The following MATR3 variants were observed in gnomAD, a reference collection of about 807,000 sequenced individuals.
MATR3 encodes matrin 3.
Under a neutral mutation model 85.5 loss-of-function variants are expected in MATR3, and 4 were observed. The ratio of observed to expected loss-of-function variants is 0.05; its 90% CI spans 0.02 to 0.11. MATR3 has a LOEUF of 0.11. Among genes scored for constraint, MATR3 ranks in the 10% least tolerant of loss-of-function variants. The probability of loss-of-function intolerance (pLI) is 1.00; values close to 1 mark genes in which losing one functional copy is unlikely to be tolerated. For missense variants in MATR3, 685 were observed against 1,016.1 expected, an observed-to-expected ratio of 0.67 and a Z score of 4.43; for synonymous variants, 336 against 343.1, an observed-to-expected ratio of 0.98 and a Z score of 0.23.
At chr5:139,319,844 CAAAAA>C (rs1208978797) in intron 9 of MATR3, among the ~76,000 whole-genome samples, 3 of 60,472 alleles carry the variant, frequency 5.0e-5, no homozygotes, top group South Asian at 1.2e-3. Flanking sequence ...ACTCCCAACT[CAAAAA>C]AAAAAATTTG....
intron 2 of MATR3, among the ~76,000 whole-genome samples, chr5:139,277,095 A>G (rs1753305016): frequency 6.6e-6 from 1 of 151,824 alleles, no homozygotes; most frequent in Non-Finnish European, 1.5e-5. Context: ...GCTTTTTCCC[A>G]AGTAGTTGGG....
In MATR3 at chr5:139,326,346, G is replaced by GT. The variant is rs1038164183; in HGVS notation, c.2493+63dup. On this transcript the variant is annotated intron_variant, in intron 14 of 14. Coordinates refer to ENST00000394805, the MANE Select transcript of MATR3 (RefSeq NM_018834.6). ...TTAACAAGTTATGGAAATAAGTGGG[G>GT]TATATAAGTAAAATGTGTATAGTGT... 4 of 1,533,176 alleles carry GT rather than the reference G, an allele frequency of 2.6e-6. No homozygotes were observed. The African/African-American group carries it at 5.5e-5, about 21-fold the overall frequency. 95.0% of individuals were successfully genotyped at this position (1,533,176 alleles called of 1,614,324 possible).
At chr5:139,319,150 C>T (rs1161556520) in intron 8 of MATR3, 117 bp downstream of exon 8, 15 of 1,331,624 alleles carry the variant, frequency 1.1e-5, no homozygotes, top group Non-Finnish European at 1.6e-5. Flanking sequence ...GCCTGTAATC[C>T]CAGCACCTTG....
chr5:139,321,416 A>G (rs907907155), intron 9 of MATR3, among the ~76,000 whole-genome samples: 5 of 151,972 alleles, frequency 3.3e-5, no homozygotes, highest in Non-Finnish European at 7.4e-5. Flanking sequence ...GGCCTCCCAA[A>G]GTGTTGGGAT....
intron 10 of MATR3, 101 bp from the exon 11 acceptor site, chr5:139,322,362 A>T: frequency 9.1e-7 from 1 of 1,104,890 alleles, no homozygotes; most frequent in Non-Finnish European, 1.4e-6. Flanking sequence ...CGGGAATTGA[A>T]TAAGCTGAGT....
rs1165147021 is a variant in MATR3 at position 139,310,058 on chromosome 5, G to C, written c.912+1731G>C. 3 of 152,218 alleles carry C rather than the reference G, an allele frequency of 2.0e-5. No individual in the cohort carries two copies. The East Asian group carries it at 5.8e-4, about 29-fold the overall frequency. 9.4% of individuals were successfully genotyped at this position (152,218 alleles called of 1,614,324 possible). ...CATCATGAACACAATGGAACCATGA[G>C]AGGACTTCGAGAAAAGTTTCTGTTT... On this transcript the variant is annotated intron_variant, in intron 2 of 14. Transcript: ENST00000394805.
At chr5:139,298,714 A>G (rs900056587) in intron 1 of MATR3, among the ~76,000 whole-genome samples, 4 of 152,210 alleles carry the variant, frequency 2.6e-5, no homozygotes, top group African/African-American at 7.2e-5. Context: ...AAAGGCTATC[A>G]GTTTTAATGC....
intron 2 of MATR3, chr5:139,314,114 G>C (rs756923970): frequency 6.4e-6 from 1 of 155,264 alleles, no homozygotes; most frequent in African/African-American, 2.4e-5. Context: ...ATGGGGTTTC[G>C]CCATGTTGGC....
chr5:139,315,472 C>T, intron 3 of MATR3: 1 of 485,476 alleles, frequency 2.1e-6, no homozygotes, highest in Non-Finnish European at 3.7e-6. Flanking sequence ...TCAACATTAT[C>T]TGCATTTGCA....
At chr5:139,326,733 C>T (rs1190711097) in intron 14 of MATR3, among the ~76,000 whole-genome samples, 1 of 152,088 alleles carries the variant, frequency 6.6e-6, no homozygotes, top group African/African-American at 2.4e-5. Context: ...CCTTTTCTTT[C>T]TTTATTGATG....
intron 1 of MATR3, chr5:139,274,326 CCT>C (rs1360941875): frequency 2.9e-6 from 1 of 347,242 alleles, no homozygotes; most frequent in Non-Finnish European, 5.7e-6. Context: ...GGAGTCGTCC[CCT>C]GTTTTTCTAC....
At chr5:139,290,438 CTT>C (rs762364450), upstream of MATR3, among the ~76,000 whole-genome samples, 76 of 44,976 alleles carry the variant, frequency 1.7e-3, 1 homozygote, top group African/African-American at 8.3e-3. Flanking sequence ...CCTGGCCGCT[CTT>C]TTTTTTTTTT....
intron 3 of MATR3, chr5:139,279,448 G>A (rs1279198049): frequency 4.6e-6 from 1 of 217,852 alleles, no homozygotes; most frequent in Non-Finnish European, 9.4e-6. Flanking sequence ...AGGCTGGTCT[G>A]AAACTCCTGA....
intron 14 of MATR3, among the ~76,000 whole-genome samples, chr5:139,327,118 AAT>A (rs1554149769): frequency 1.3e-5 from 2 of 152,214 alleles, no homozygotes; most frequent in Non-Finnish European, 2.9e-5. Flanking sequence ...TACCTATTGA[AAT>A]AGTGACTGAA....
chr5:139,323,302 A>G lies in MATR3; in HGVS notation c.2148+335A>G, dbSNP rs145920509. 6.1e-3 allele frequency among the ~76,000 whole-genome samples: 933 copies of G among 152,268 alleles called. 9 individuals are homozygous for G. The highest frequency in any genetic ancestry group is 0.021 in the African/African-American group (891 of 41,558). ...AGTGTAGCTTTGAAAAAAAAAATAC[A>G]GGACGTGAGTTTGCAGTAAGTTAAC... On this transcript the variant is annotated intron_variant, in intron 12 of 14. Transcript: ENST00000394805.
At chr5:139,327,967 T>G (rs1333337266) in intron 14 of MATR3, among the ~76,000 whole-genome samples, 2 of 152,112 alleles carry the variant, frequency 1.3e-5, no homozygotes, top group African/African-American at 4.8e-5. Flanking sequence ...GTTCAAGCAA[T>G]TCTCCTGCCT....
chr5:139,318,790 G>T, intron 7 of MATR3, 118 bp from the exon 8 acceptor site: 1 of 942,846 alleles, frequency 1.1e-6, no homozygotes, highest in South Asian at 1.4e-5. Flanking sequence ...TCTACTTAAT[G>T]ATTAAATATA....
intron 1 of MATR3, among the ~76,000 whole-genome samples, chr5:139,302,214 C>T (rs879603579): frequency 7.2e-5 from 11 of 152,090 alleles, no homozygotes; most frequent in Admixed American, 4.6e-4. Context: ...CTGCCCGCCT[C>T]GGCCTCCCAA....
At chr5:139,313,508 A>G (rs1286634233) in intron 2 of MATR3, 1 of 152,182 alleles carries the variant, frequency 6.6e-6, no homozygotes, top group East Asian at 1.9e-4. Flanking sequence ...AGGCAGTCTA[A>G]TAGCAGAGCC....
Sources: gnomAD v4.1 joint callset for allele counts (sites outside exome capture counted in the v4.1 genomes callset) on GRCh38, gnomAD v4.1.1 for gene constraint, MANE v1.5 for transcripts, NCBI Gene and HGNC (gene_info 2026-07-23, HGNC 2026-07-21) for gene names.